Variants in CCDC201 observed in about 807,000 individuals in gnomAD.
The protein encoded by CCDC201 is coiled-coil domain containing 201.
intron 1 of CCDC201, among the ~76,000 whole-genome samples, chr7:45,870,724 A>G (rs1786734137): frequency 6.6e-6 from 1 of 152,218 alleles, no homozygotes; most frequent in African/African-American, 2.4e-5. Context: ...GTAGTAACTG[A>G]GACTGATTCA....
At chr7:45,876,836 T>C (rs1008452462), upstream of CCDC201, among the ~76,000 whole-genome samples, 1 of 152,202 alleles carries the variant, frequency 6.6e-6, no homozygotes, top group African/African-American at 2.4e-5. Context: ...GACACATTCT[T>C]TTCACTGGGT....
the CCDC201 span, among the ~76,000 whole-genome samples, chr7:45,885,109 G>A: frequency 3.9e-5 from 6 of 152,170 alleles, no homozygotes; most frequent in Non-Finnish European, 1.5e-5. Flanking sequence ...AAGAGACCAT[G>A]GACTTGATAA....
intron 1 of CCDC201, among the ~76,000 whole-genome samples, chr7:45,872,064 G>A (rs946285852): frequency 6.6e-6 from 1 of 152,156 alleles, no homozygotes; most frequent in Non-Finnish European, 1.5e-5. Flanking sequence ...TAAAAACAAT[G>A]TTTCCTTATG....
the CCDC201 span, among the ~76,000 whole-genome samples, chr7:45,881,606 G>A: frequency 6.6e-6 from 1 of 152,184 alleles, no homozygotes; most frequent in Non-Finnish European, 1.5e-5. Flanking sequence ...GAAATTAGGA[G>A]GGGTCTGTCA....
chr7:45,880,957 A>G, the CCDC201 span, among the ~76,000 whole-genome samples: 1 of 152,090 alleles, frequency 6.6e-6, no homozygotes, highest in Non-Finnish European at 1.5e-5. Context: ...CAGAATCCCC[A>G]TGGGGGTCAT....
the CCDC201 span, among the ~76,000 whole-genome samples, chr7:45,879,923 T>C: frequency 6.6e-6 from 1 of 152,042 alleles, no homozygotes; most frequent in Non-Finnish European, 1.5e-5. Flanking sequence ...CCATCTCTAT[T>C]AAAAATACAA....
chr7:45,874,046 A>G (rs539243582), upstream of CCDC201, among the ~76,000 whole-genome samples: 22 of 151,510 alleles, frequency 1.5e-4, no homozygotes, highest in African/African-American at 5.3e-4. Context: ...CTGCCTCCCA[A>G]GTAGCTGGGA....
chr7:45,880,439 C>T, the CCDC201 span, among the ~76,000 whole-genome samples: 1 of 152,152 alleles, frequency 6.6e-6, no homozygotes, highest in East Asian at 1.9e-4. Context: ...ATATGCACAC[C>T]ATATGCGGGT....
At chr7:45,867,128 G>A (rs997898920) in intron 1 of CCDC201, among the ~76,000 whole-genome samples, 2 of 152,218 alleles carry the variant, frequency 1.3e-5, no homozygotes, top group African/African-American at 4.8e-5. Context: ...GCACATTTGT[G>A]TTCACCATAA....
At chr7:45,863,769 C>A (rs557724408) in intron 2 of CCDC201, among the ~76,000 whole-genome samples, 1 of 152,222 alleles carries the variant, frequency 6.6e-6, no homozygotes, top group East Asian at 1.9e-4. Context: ...ATGGCAGGCC[C>A]ACCATGGGTC....
chr7:45,875,609 T>C (rs1022973518), upstream of CCDC201, among the ~76,000 whole-genome samples: 3 of 152,168 alleles, frequency 2.0e-5, no homozygotes, highest in Admixed American at 2.0e-4. Context: ...CAACACCTAA[T>C]GAATAAGAGT....
At chr7:45,863,783 GGTC>G (rs1786631444) in intron 2 of CCDC201, among the ~76,000 whole-genome samples, 1 of 152,114 alleles carries the variant, frequency 6.6e-6, no homozygotes, top group African/African-American at 2.4e-5. Flanking sequence ...ATGGGTCAGT[GGTC>G]AGTGTCTTCC....
upstream of CCDC201, among the ~76,000 whole-genome samples, chr7:45,876,834 C>A (rs1331715022): frequency 1.3e-5 from 2 of 152,230 alleles, no homozygotes; most frequent in Non-Finnish European, 2.9e-5. Context: ...CTGACACATT[C>A]TTTTCACTGG....
chr7:45,861,174 G>A (rs1016687108), exon 3 of CCDC201: 3 of 152,058 alleles, frequency 2.0e-5, no homozygotes, highest in African/African-American at 4.8e-5. Flanking sequence ...CACAGACCAC[G>A]GGAATAGTTC....
intron 1 of CCDC201, among the ~76,000 whole-genome samples, chr7:45,872,106 ACTGTGCATCTTATG>A (rs1159554118): frequency 6.6e-6 from 1 of 152,250 alleles, no homozygotes; most frequent in African/African-American, 2.4e-5. Flanking sequence ...AGCAGTGGTC[ACTGTGCATCTTATG>A]CTTTTGAAAT....
At chr7:45,883,674 C>G in the CCDC201 span, among the ~76,000 whole-genome samples, 2 of 152,234 alleles carry the variant, frequency 1.3e-5, no homozygotes, top group Non-Finnish European at 2.9e-5. Flanking sequence ...AACTCTTCCT[C>G]TCACCAGTTT....
the CCDC201 span, among the ~76,000 whole-genome samples, chr7:45,880,480 T>G: frequency 5.9e-5 from 9 of 152,076 alleles, no homozygotes. Flanking sequence ...GCACACTGTA[T>G]GCAGGTGATG....
chr7:45,869,439 T>C (rs1786717623), intron 1 of CCDC201, among the ~76,000 whole-genome samples: 1 of 152,222 alleles, frequency 6.6e-6, no homozygotes, highest in African/African-American at 2.4e-5. Context: ...GGAGCAACTG[T>C]TCTGTGGAGG....
chr7:45,873,252 C>T (rs952246034), upstream of CCDC201, among the ~76,000 whole-genome samples: 5 of 152,066 alleles, frequency 3.3e-5, no homozygotes, highest in Non-Finnish European at 7.4e-5. Flanking sequence ...GAAGTGAAGG[C>T]TGGCTGGGCA....
Sources: allele counts gnomAD v4.1 joint callset (sites outside exome capture counted in the v4.1 genomes callset), GRCh38; gene constraint gnomAD v4.1.1; transcripts MANE v1.5; gene names NCBI Gene and HGNC (gene_info 2026-07-23, HGNC 2026-07-21).